FSIP2: variants seen among roughly 807,000 people sequenced by gnomAD.
FSIP2 encodes the protein fibrous sheath interacting protein 2.
Under a neutral mutation model 510.5 loss-of-function variants are expected in FSIP2, and 367 were observed. The observed-to-expected ratio is 0.72, with a 90% CI of 0.66 to 0.78. The LOEUF (loss-of-function observed/expected upper bound fraction) is 0.78. Among genes scored for constraint, FSIP2 ranks in the 30% least tolerant of loss-of-function variants. The pLI, the probability that FSIP2 is intolerant of heterozygous loss-of-function variation, is 0.00. For missense variants in FSIP2, 7,594 were observed against 7,901.7 expected (o/e 0.96, Z 1.48); for synonymous variants, 2,601 against 2,732.2 (o/e 0.95, Z 1.50).
At chr2:185,824,508 A>G in intron 20 of FSIP2, 28 bp downstream of exon 20, 17 of 1,369,132 alleles carry the variant, frequency 1.2e-5, no homozygotes, top group Non-Finnish European at 1.6e-5. Flanking sequence ...TAAATTAGAG[A>G]GTATTTTTTA....
At chr2:185,767,082 A>C (rs1692502749) in intron 13 of FSIP2, among the ~76,000 whole-genome samples, 1 of 128,462 alleles carries the variant, frequency 7.8e-6, no homozygotes, top group South Asian at 2.8e-4. Context: ...AAAACCAAAC[A>C]CCGCATATTC....
chr2:185,786,522 G>A (rs1692982451), intron 15 of FSIP2, among the ~76,000 whole-genome samples: 1 of 151,814 alleles, frequency 6.6e-6, no homozygotes, highest in Admixed American at 6.6e-5. Flanking sequence ...AGGTCTCATG[G>A]GTATAGAATG....
In FSIP2 at chr2:185,797,346, C is replaced by A. The variant is rs546038705; in HGVS notation, c.10210C>A (p.Arg3404=). 2 of 1,527,394 alleles carry A rather than the reference C, an allele frequency of 1.3e-6. No individual in the cohort carries two copies. The allele number at this position is 1,527,394 out of a possible 1,614,324, so 94.6% of individuals were successfully genotyped here. Residue 3404 remains arginine (R), a synonymous_variant, in exon 16 of 23, where the codon CGG becomes AGG. Transcript: ENST00000424728. ...AGAAAATGAAAACCTTGAAGCCAGCCGGGAAGATTCTTCTTTTTTGCAAAA... is the reference window on the plus strand; with the variant it reads ...AGAAAATGAAAACCTTGAAGCCAGCAGGGAAGATTCTTCTTTTTTGCAAAA... ...EEENENLEAS[R]EDSSFLQKLK... is the part of the protein sequence containing the mutation.
chr2:185,743,360 C>A, intron 3 of FSIP2, 66 bp downstream of exon 3: 1 of 1,047,896 alleles, frequency 9.5e-7, no homozygotes, highest in Non-Finnish European at 1.3e-6. Context: ...AAACTTGTTT[C>A]TGTACCTCAC....
At chr2:185,771,833 C>A (rs1042978937) in intron 13 of FSIP2, among the ~76,000 whole-genome samples, 1 of 152,178 alleles carries the variant, frequency 6.6e-6, no homozygotes, top group African/African-American at 2.4e-5. Flanking sequence ...GTGAACCTTA[C>A]AAATTTTTAC....
rs1171081894 is a variant in FSIP2, at chr2:185,795,860, T to C, written c.8724T>C (p.Asp2908=). 6.5e-7 allele frequency: 1 copy of C among 1,532,612 alleles called. No individual in the cohort carries two copies. Among genetic ancestry groups the C allele is most frequent in the Non-Finnish European group, 8.7e-7 (1 of 1,145,488 alleles). 94.9% of individuals were successfully genotyped at this position (1,532,612 alleles called of 1,614,324 possible). A position where few individuals can be genotyped will look rare whatever the true frequency, so the allele number is the denominator to read the frequency against. ...HFKGASTRAE[D]TKAQINMFGR... ...AAGGAGCTTCTACTAGAGCCGAGGA[T>C]ACTAAAGCACAAATTAATATGTTTG... Residue 2908 remains aspartate (D), a synonymous_variant, in exon 16 of 23, where the codon GAT becomes GAC. Coordinates refer to ENST00000424728, the MANE Select transcript of FSIP2 (RefSeq NM_173651.4).
chr2:185,808,944 A>G lies in FSIP2; in HGVS notation c.19638A>G (p.Ile6546Met), dbSNP rs1051653413. Residue 6546 changes from isoleucine to methionine, a missense_variant, in exon 17 of 23, where the codon ATA (isoleucine) becomes ATG (methionine). Transcript: ENST00000424728. Reference protein sequence around the residue: ...IISEHLAVISIKTQPLEKLKQ... With the variant: ...IISEHLAVISMKTQPLEKLKQ... ...CAGAACACTTAGCAGTTATTTCTAT[A>G]AAAACTCAACCTCTTGAGAAACTTA... The G allele has an allele frequency of 1.2e-6, 2 of 1,608,292 alleles. No individual in the cohort carries two copies. The highest frequency in any genetic ancestry group is 1.7e-5 in the Admixed American group (1 of 58,742).
intron 13 of FSIP2, among the ~76,000 whole-genome samples, chr2:185,778,786 C>T (rs1692781104): frequency 6.6e-6 from 1 of 151,936 alleles, no homozygotes. Context: ...AAATATATAG[C>T]TTATTATATA....
chr2:185,808,478 C>G lies in FSIP2; in HGVS notation c.19172C>G (p.Ala6391Gly). 2 of 1,607,150 alleles carry G rather than the reference C, an allele frequency of 1.2e-6. No homozygotes were observed. Among genetic ancestry groups the G allele is most frequent in the Non-Finnish European group, 1.7e-6 (2 of 1,177,542 alleles). Residue 6391 changes from alanine to glycine, a missense_variant, in exon 17 of 23, where the codon GCT becomes GGT. By Grantham distance (60) the Ala-to-Gly change is moderately conservative. Coordinates refer to ENST00000424728, the MANE Select transcript of FSIP2 (RefSeq NM_173651.4). ...TCTCAACTGTCAAAATTGGTAACAG[C>G]TGAAATTTCCAGAAGTAGCATTAGT... ...IASQLSKLVT[A>G]EISRSSISLI... is the part of the protein sequence containing the mutation.
At chr2:185,769,393 C>CT (rs1409634525) in intron 13 of FSIP2, among the ~76,000 whole-genome samples, 1 of 152,028 alleles carries the variant, frequency 6.6e-6, no homozygotes, top group Non-Finnish European at 1.5e-5. Context: ...TGATATTGGG[C>CT]TTTTTTAAAT....
At chr2:185,814,373 T>C (rs1013894380) in intron 18 of FSIP2, among the ~76,000 whole-genome samples, 6 of 152,056 alleles carry the variant, frequency 3.9e-5, no homozygotes, top group African/African-American at 1.2e-4. Context: ...GAACATTTTG[T>C]GTGGAGAGCC....
chr2:185,833,238 C>G lies in FSIP2; in HGVS notation c.*12C>G. 6.3e-7 allele frequency: 1 copy of G among 1,594,696 alleles called. No homozygotes were observed. The highest frequency in any genetic ancestry group is 8.5e-7 in the Non-Finnish European group (1 of 1,170,446). On this transcript the variant is annotated 3_prime_UTR_variant, in exon 23 of 23. Transcript: ENST00000424728. ...AGGATGAACACTGAAGCTTTTGTAC[C>G]TGATATAAGTATGCTTACTTCTTTT...
In FSIP2 at chr2:185,773,153, C is replaced by T. The variant is rs150976421; in HGVS notation, c.1411+8588C>T. 4.1e-3 allele frequency among the ~76,000 whole-genome samples: 622 copies of T among 152,252 alleles called. 2 individuals are homozygous for T. Among genetic ancestry groups the T allele is most frequent in the African/African-American group, 0.014 (585 of 41,544 alleles). On this transcript the variant is annotated intron_variant, in intron 13 of 22. Coordinates refer to ENST00000424728, the MANE Select transcript of FSIP2 (RefSeq NM_173651.4). ...CTGGGATTACAAGCATGATCCAACA[C>T]GCCAGGCCCAGAGCATTTCTTATAG... is the stretch of plus-strand genomic sequence containing the variant.
chr2:185,804,293 TCAC>T lies in FSIP2; in HGVS notation c.14991_14993del (p.Thr4998del). On this transcript the variant is annotated inframe_deletion, in exon 17 of 23. Coordinates refer to ENST00000424728, the MANE Select transcript of FSIP2 (RefSeq NM_173651.4). Reference sequence around the variant, plus strand: ...TTGGTAAATTCAATTGTTCTGGAGTTCACCACATCAGAGATTTTAGTTGCAGAT... The same window carrying T: ...TTGGTAAATTCAATTGTTCTGGAGTTCACATCAGAGATTTTAGTTGCAGAT... 5.2e-6 allele frequency: 8 copies of T among 1,524,572 alleles called. No homozygotes were observed. Among genetic ancestry groups the T allele is most frequent in the Non-Finnish European group, 7.0e-6 (8 of 1,141,972 alleles). The allele number at this position is 1,524,572 out of a possible 1,614,324, so 94.4% of individuals were successfully genotyped here. A position where few individuals can be genotyped will look rare whatever the true frequency, so the allele number is the denominator to read the frequency against.
Position 185,788,718 on chromosome 2 carries a change from T to A in FSIP2, c.1582T>A (p.Tyr528Asn), listed in dbSNP as rs910596389. 3.9e-6 allele frequency: 6 copies of A among 1,533,352 alleles called. No individual in the cohort carries two copies. The highest frequency in any genetic ancestry group is 1.4e-5 in the African/African-American group (1 of 72,900). The allele number at this position is 1,533,352 out of a possible 1,614,324, so 95.0% of individuals were successfully genotyped here. ...TGTGGCTACAGTGACCAGTATATTG[T>A]ACCCAGCCATCACAAAGTATGAAAA... ...WVVATVTSIL[Y>N]PAITKYEKRL... The change falls in exon 16 of 23, where the codon TAC becomes AAC. Residue 528 changes from tyrosine (Y) to asparagine (N), a missense_variant. Transcript: ENST00000424728.
Position 185,807,787 on chromosome 2 carries a change from A to G in FSIP2, c.18481A>G (p.Thr6161Ala), listed in dbSNP as rs1233589900. ...EKILKDVFQT[T>A]DVPLPKPSHA... is the part of the protein sequence containing the mutation. ...GATCCTTAAAGATGTTTTCCAAACT[A>G]CTGATGTGCCCCTACCTAAACCTTC... The change falls in exon 17 of 23, where the codon ACT (threonine) becomes GCT (alanine). Residue 6161 changes from threonine (T) to alanine (A), a missense_variant. Coordinates refer to ENST00000424728, the MANE Select transcript of FSIP2 (RefSeq NM_173651.4). The G allele has an allele frequency of 6.2e-7, 1 of 1,612,674 alleles. No homozygotes were observed. Among genetic ancestry groups the G allele is most frequent in the Non-Finnish European group, 8.5e-7 (1 of 1,179,202 alleles).
chr2:185,771,769 G>T (rs1692612812), intron 13 of FSIP2, among the ~76,000 whole-genome samples: 1 of 152,164 alleles, frequency 6.6e-6, no homozygotes, highest in African/African-American at 2.4e-5. Flanking sequence ...TCCACAACCT[G>T]CTTGTATTTC....
chr2:185,770,272 T>C (rs1448464756), intron 13 of FSIP2, among the ~76,000 whole-genome samples: 1 of 152,158 alleles, frequency 6.6e-6, no homozygotes, highest in Non-Finnish European at 1.5e-5. Flanking sequence ...TAATTCTCAG[T>C]GCAGAGATCT....
chr2:185,761,042 A>C lies in FSIP2; in HGVS notation c.1133A>C (p.Lys378Thr). 6.6e-7 allele frequency: 1 copy of C among 1,512,216 alleles called. No individual in the cohort carries two copies. Among genetic ancestry groups the C allele is most frequent in the South Asian group, 1.2e-5 (1 of 82,124 alleles). The allele number at this position is 1,512,216 out of a possible 1,614,324, so 93.7% of individuals were successfully genotyped here. A position where few individuals can be genotyped will look rare whatever the true frequency, so the allele number is the denominator to read the frequency against. ...QRQNSSNNFT[K>T]KNSASVVYQA... ...CAAAATAGTTCAAATAATTTTACGA[A>C]AAAAAACTCAGCTTCTGTTGTTTAT... The change falls in exon 10 of 23, where the codon AAA (lysine) becomes ACA (threonine). Residue 378 changes from lysine to threonine, a missense_variant. Coordinates refer to ENST00000424728, the MANE Select transcript of FSIP2 (RefSeq NM_173651.4).
Sources: allele counts gnomAD v4.1 joint callset (sites outside exome capture counted in the v4.1 genomes callset), GRCh38; gene constraint gnomAD v4.1.1; transcripts MANE v1.5; gene names NCBI Gene and HGNC (gene_info 2026-07-23, HGNC 2026-07-21).